The following LPAR6 variants were observed in gnomAD, a reference collection of about 807,000 sequenced individuals.
LPAR6 encodes G-protein coupled purinergic receptor P2Y5.
LPAR6 carries 17 observed loss-of-function variants against 22.0 expected under a neutral mutation model. The ratio of observed to expected loss-of-function variants is 0.77; its 90% CI spans 0.53 to 1.16. The LOEUF (loss-of-function observed/expected upper bound fraction) is 1.16. LPAR6 is among the 50% of genes most tolerant of loss of function. The pLI, the probability that LPAR6 is intolerant of heterozygous loss-of-function variation, is 0.00. For missense variants in LPAR6, 384 were observed against 406.9 expected (o/e 0.94, Z 0.48); for synonymous variants, 136 against 139.8 (o/e 0.97, Z 0.19).
upstream of LPAR6, among the ~76,000 whole-genome samples, chr13:48,413,431 G>T (rs1191593467): frequency 6.6e-6 from 1 of 152,142 alleles, no homozygotes; most frequent in Non-Finnish European, 1.5e-5. Flanking sequence ...TTGTTTTCGT[G>T]TTTGGGATAT....
At chr13:48,440,960 C>A (rs1023191734) in intron 1 of LPAR6, among the ~76,000 whole-genome samples, 1 of 152,118 alleles carries the variant, frequency 6.6e-6, no homozygotes, top group Non-Finnish European at 1.5e-5. Context: ...AAAAAAGAAT[C>A]CTGCAGACAT....
upstream of LPAR6, among the ~76,000 whole-genome samples, chr13:48,431,901 C>T (rs1447664301): frequency 6.6e-6 from 1 of 150,888 alleles, no homozygotes; most frequent in African/African-American, 2.4e-5. Flanking sequence ...ATTTTTTTTT[C>T]CAGTAGCAAA....
chr13:48,439,461 A>G (rs1370150274), intron 1 of LPAR6: 1 of 152,210 alleles, frequency 6.6e-6, no homozygotes, highest in Non-Finnish European at 1.5e-5. Flanking sequence ...CAGGCATGAT[A>G]GAAAGATTAC....
chr13:48,405,985 A>T (rs923345916), intron 1 of LPAR6, among the ~76,000 whole-genome samples: 6 of 152,034 alleles, frequency 3.9e-5, no homozygotes, highest in Admixed American at 3.3e-4. Flanking sequence ...TTACAGCTGC[A>T]TAGTACTGTA....
At position 48,411,312 on chromosome 13, in the gene LPAR6, T is replaced by C; in HGVS notation, c.*77A>G. The C allele has an allele frequency of 8.4e-7, 1 of 1,191,134 alleles. No homozygotes were observed. Among genetic ancestry groups the C allele is most frequent in the South Asian group, 1.2e-5 (1 of 81,404 alleles). 73.8% of individuals were successfully genotyped at this position (1,191,134 alleles called of 1,614,324 possible). On this transcript the variant is annotated 3_prime_UTR_variant, in exon 1 of 1. Transcript: ENST00000620633. Reference sequence around the variant, plus strand: ...TTAATTTCTTTTGGAGGTGGAAAAATAGTTTGTCCAAAAAGACACTTTTCA... The same window carrying C: ...TTAATTTCTTTTGGAGGTGGAAAAACAGTTTGTCCAAAAAGACACTTTTCA...
intron 1 of LPAR6, chr13:48,404,246 G>C (rs1468491002): frequency 6.6e-6 from 1 of 152,120 alleles, no homozygotes; most frequent in African/African-American, 2.4e-5. Flanking sequence ...GAAGTAAACC[G>C]AGACTTCTGT....
In LPAR6 at chr13:48,402,379, C is replaced by CTTTTTTTTTTTT. The variant is rs545934425; in HGVS notation, n.115-12579_115-12568dup. On this transcript the variant is annotated intron_variant and non_coding_transcript_variant, in intron 1 of 1. Transcript: ENST00000462781. Reference sequence around the variant, plus strand: ...GGTAAAGAAATCCCTTGTAGAAAACCTTTTTTTTTTTTTAAACAGATGAGT... The same window carrying CTTTTTTTTTTTT: ...GGTAAAGAAATCCCTTGTAGAAAACCTTTTTTTTTTTTTTTTTTTTTTTTTAAACAGATGAGT... Among the ~76,000 whole-genome samples the CTTTTTTTTTTTT allele has an allele frequency of 9.3e-3, 1,163 of 125,632 alleles. 21 individuals are homozygous for CTTTTTTTTTTTT. Among genetic ancestry groups the CTTTTTTTTTTTT allele is most frequent in the African/African-American group, 0.03 (1,055 of 35,084 alleles). 82.4% of individuals were successfully genotyped at this position (125,632 alleles called of 152,430 possible). A position where few individuals can be genotyped will look rare whatever the true frequency, so the allele number is the denominator to read the frequency against.
intron 1 of LPAR6, among the ~76,000 whole-genome samples, chr13:48,396,298 T>C (rs972919466): frequency 1.3e-5 from 2 of 151,770 alleles, no homozygotes; most frequent in East Asian, 3.9e-4. Flanking sequence ...CCAAAAAAGA[T>C]AAATAAACCA....
downstream of LPAR6, among the ~76,000 whole-genome samples, chr13:48,406,048 A>G (rs1948736870): frequency 6.6e-6 from 1 of 152,046 alleles, no homozygotes; most frequent in Non-Finnish European, 1.5e-5. Flanking sequence ...TTGGACATCT[A>G]GGTGGTTTCC....
At chr13:48,396,667 A>G (rs1948650938) in intron 1 of LPAR6, among the ~76,000 whole-genome samples, 1 of 152,198 alleles carries the variant, frequency 6.6e-6, no homozygotes, top group South Asian at 2.1e-4. Flanking sequence ...TAAACTAAAG[A>G]GCTTCTGCAC....
upstream of LPAR6, among the ~76,000 whole-genome samples, chr13:48,417,574 T>A (rs1434881331): frequency 6.6e-6 from 1 of 151,972 alleles, no homozygotes; most frequent in Admixed American, 6.6e-5. Flanking sequence ...GGACAGAGAA[T>A]AATAAACTCC....
chr13:48,403,898 G>A (rs1948715635), intron 1 of LPAR6, among the ~76,000 whole-genome samples: 2 of 152,158 alleles, frequency 1.3e-5, no homozygotes, highest in South Asian at 4.1e-4. Context: ...CTACTTGGGA[G>A]GCTGAGGAGG....
In LPAR6 at chr13:48,412,041, C is replaced by T. The variant is rs1413446424; in HGVS notation, c.383G>A (p.Arg128Lys). 2.5e-6 allele frequency: 4 copies of T among 1,613,270 alleles called. No individual in the cohort carries two copies. The highest frequency in any genetic ancestry group is 1.7e-6 in the Non-Finnish European group (2 of 1,179,664). Residue 128 changes from arginine (R) to lysine (K), a missense_variant, in exon 1 of 1, where the codon AGA (arginine) becomes AAA (lysine). Arg to Lys is a conservative substitution (Grantham distance 26). Transcript: ENST00000620633. ...AACAATCTTTGCATTTCTTTTGGTTCTTAGAGTCTTTGACTTAAATGGGTA... is the reference window on the plus strand; with the variant it reads ...AACAATCTTTGCATTTCTTTTGGTTTTTAGAGTCTTTGACTTAAATGGGTA... ...IVYPFKSKTL[R>K]TKRNAKIVCT...
At position 48,437,687 on chromosome 13, in the gene LPAR6, TC is replaced by T. The variant is rs1416819938; in HGVS notation, c.-1474+6865del. On this transcript the variant is annotated intron_variant, in intron 1 of 6. Coordinates refer to the LPAR6 transcript ENST00000378434. ...CTCCGTAGGGCTACTCCATAGCAGC[TC>T]CCTGCCTCAACCCCAGTGGAAGAGA... Among the ~76,000 whole-genome samples, 4 of 152,252 alleles carry T rather than the reference TC, an allele frequency of 2.6e-5. No homozygotes were observed. The East Asian group carries it at 7.7e-4, about 29-fold the overall frequency.
chr13:48,421,671 G>GA (rs1049905133), intron 2 of LPAR6, among the ~76,000 whole-genome samples: 10 of 151,812 alleles, frequency 6.6e-5, no homozygotes, highest in African/African-American at 2.2e-4. Flanking sequence ...AAATTTACAG[G>GA]AAAAAAGCAA....
At chr13:48,407,137 A>G (rs529170036), downstream of LPAR6, among the ~76,000 whole-genome samples, 3 of 152,356 alleles carry the variant, frequency 2.0e-5, no homozygotes, top group African/African-American at 7.2e-5. Flanking sequence ...TGCTGTAAGT[A>G]TACAACACAT....
chr13:48,433,698 C>A (rs1303446182), intron 1 of LPAR6, among the ~76,000 whole-genome samples: 1 of 109,768 alleles, frequency 9.1e-6, no homozygotes, highest in African/African-American at 3.1e-5. Flanking sequence ...TTTTTTTTAC[C>A]TTTAGTAGGT....
intron 2 of LPAR6, among the ~76,000 whole-genome samples, chr13:48,420,747 A>G (rs141100430): frequency 0.03 from 4,529 of 152,184 alleles, 194 homozygotes; most frequent in East Asian, 0.13. Flanking sequence ...ACAATAATAG[A>G]CAAACAGAGA....
rs1434151986 is a variant in LPAR6, at chr13:48,412,489, A to C, written c.-66T>G. ...TCAGCTGCAGTCTCCTTTGGGATTC[A>C]GATTATAACCTCTATAACCTCCAAT... On this transcript the variant is annotated 5_prime_UTR_variant, in exon 1 of 1. Coordinates refer to ENST00000620633, the MANE Select transcript of LPAR6 (RefSeq NM_001162498.3). 3.9e-6 allele frequency: 4 copies of C among 1,029,538 alleles called. No homozygotes were observed. Among genetic ancestry groups the C allele is most frequent in the Non-Finnish European group, 6.2e-6 (4 of 645,980 alleles). 63.8% of individuals were successfully genotyped at this position (1,029,538 alleles called of 1,614,324 possible). A position where few individuals can be genotyped will look rare whatever the true frequency, so the allele number is the denominator to read the frequency against.
Sources: gnomAD v4.1 joint callset for allele counts (sites outside exome capture counted in the v4.1 genomes callset) on GRCh38, gnomAD v4.1.1 for gene constraint, MANE v1.5 for transcripts, NCBI Gene and HGNC (gene_info 2026-07-23, HGNC 2026-07-21) for gene names.